Variants in CDC42SE2 observed in about 807,000 individuals in gnomAD.
CDC42SE2 encodes CDC42 small effector protein 2.
CDC42SE2 carries 3 observed loss-of-function variants against 11.5 expected under a neutral mutation model. The observed-to-expected ratio is 0.26, with a 90% CI of 0.12 to 0.67. CDC42SE2 has a LOEUF of 0.67. Among genes scored for constraint, CDC42SE2 ranks in the 30% least tolerant of loss-of-function variants. The pLI is 0.80. For synonymous variants in CDC42SE2, 33 were observed against 34.8 expected, an observed-to-expected ratio of 0.95 and a Z score of 0.18; for missense variants, 82 against 106.8, an observed-to-expected ratio of 0.77 and a Z score of 1.02.
At chr5:131,321,216 A>G (rs1758179998) in intron 2 of CDC42SE2, among the ~76,000 whole-genome samples, 1 of 152,224 alleles carries the variant, frequency 6.6e-6, no homozygotes, top group African/African-American at 2.4e-5. Flanking sequence ...AGTTCATCGT[A>G]TTCTCACTTG....
chr5:131,337,351 G>C (rs1453467372), intron 2 of CDC42SE2, among the ~76,000 whole-genome samples: 1 of 152,120 alleles, frequency 6.6e-6, no homozygotes. Flanking sequence ...AGGAGTACCC[G>C]GCCACATGAG....
rs1369976935 is a variant in CDC42SE2 at position 131,393,560 on chromosome 5, C to CTGT, written c.*2473_*2475dup. On this transcript the variant is annotated 3_prime_UTR_variant, in exon 5 of 5. Coordinates refer to ENST00000505065, the MANE Select transcript of CDC42SE2 (RefSeq NM_001375635.1). The stretch of plus-strand genomic sequence containing the variant: ...TTGCATTGTGGAATTTGCCTGAGTA[C>CTGT]TGTTGTCATTCTGCTCAGCCAGGCA... 20 of 152,362 alleles carry CTGT rather than the reference C, an allele frequency of 1.3e-4. No homozygotes were observed. Among genetic ancestry groups the CTGT allele is most frequent in the African/African-American group, 4.6e-4 (19 of 41,450 alleles). 9.4% of individuals were successfully genotyped at this position (152,362 alleles called of 1,614,324 possible).
intron 2 of CDC42SE2, among the ~76,000 whole-genome samples, chr5:131,329,478 C>T (rs1254396316): frequency 2.0e-5 from 3 of 151,968 alleles, no homozygotes; most frequent in Non-Finnish European, 2.9e-5. Flanking sequence ...TTCATTTGAT[C>T]CAAGAAAGAT....
At chr5:131,285,614 C>A (rs931075580) in intron 1 of CDC42SE2, among the ~76,000 whole-genome samples, 5 of 152,096 alleles carry the variant, frequency 3.3e-5, no homozygotes, top group African/African-American at 1.2e-4. Context: ...TTTCAGAGCT[C>A]CTTGCAAGAA....
chr5:131,346,469 T>C (rs1338753958), intron 2 of CDC42SE2, among the ~76,000 whole-genome samples: 1 of 152,202 alleles, frequency 6.6e-6, no homozygotes, highest in Non-Finnish European at 1.5e-5. Context: ...TAAATATATG[T>C]GCATCTAATA....
At chr5:131,296,191 G>T (rs1205515832) in intron 1 of CDC42SE2, among the ~76,000 whole-genome samples, 2 of 152,140 alleles carry the variant, frequency 1.3e-5, no homozygotes, top group African/African-American at 2.4e-5. Context: ...TGATGAGCTG[G>T]AGACCATGTA....
In CDC42SE2 at chr5:131,341,989, A is replaced by T. The variant is rs550495108; in HGVS notation, c.-285-17220A>T. Reference sequence around the variant, plus strand: ...TGGGCATCTTACTTACAATTATAAAAGTTAATACCACGCTGGGCACGGTGG... The same window carrying T: ...TGGGCATCTTACTTACAATTATAAATGTTAATACCACGCTGGGCACGGTGG... On this transcript the variant is annotated intron_variant, in intron 2 of 4. Coordinates refer to ENST00000505065, the MANE Select transcript of CDC42SE2 (RefSeq NM_001375635.1). Among the ~76,000 whole-genome samples, 28 of 152,262 alleles carry T rather than the reference A, an allele frequency of 1.8e-4. No homozygotes were observed. The South Asian group carries it at 5.6e-3, about 30-fold the overall frequency.
intron 2 of CDC42SE2, among the ~76,000 whole-genome samples, chr5:131,331,164 C>A (rs1410795748): frequency 6.6e-6 from 1 of 152,160 alleles, no homozygotes; most frequent in African/African-American, 2.4e-5. Flanking sequence ...TGTCACTTAT[C>A]TAATCAGTTG....
Position 131,248,144 on chromosome 5 carries a change from TA to T in CDC42SE2, n.107+2546del, listed in dbSNP as rs200748974. Among the ~76,000 whole-genome samples, 132 of 152,110 alleles carry T rather than the reference TA, an allele frequency of 8.7e-4. 1 individual carries two copies. Among genetic ancestry groups the T allele is most frequent in the African/African-American group, 3.0e-3 (126 of 41,482 alleles). On this transcript the variant is annotated intron_variant and non_coding_transcript_variant, in intron 1 of 3. Transcript: ENST00000502840. Reference sequence around the variant, plus strand: ...AAAGCATTCCTTTTTTTTATTTTTTTATTATTATTTTTTGAGATGGAGTCTC... The same window carrying T: ...AAAGCATTCCTTTTTTTTATTTTTTTTTATTATTTTTTGAGATGGAGTCTC...
At chr5:131,349,213 A>C (rs2149760945) in intron 2 of CDC42SE2, among the ~76,000 whole-genome samples, 1 of 152,242 alleles carries the variant, frequency 6.6e-6, no homozygotes, top group East Asian at 1.9e-4. Context: ...ATGAAGCTGG[A>C]AACCATCATT....
rs1157050390 is a variant in CDC42SE2 at position 131,384,544 on chromosome 5, A to T, written c.55-999A>T. ...AGCAGAGCCCCATAGTAGGACACTAACCCAACGTGGCCAGTGGTCTCTCCC... is the reference window on the plus strand; with the variant it reads ...AGCAGAGCCCCATAGTAGGACACTATCCCAACGTGGCCAGTGGTCTCTCCC... On this transcript the variant is annotated intron_variant, in intron 3 of 4. Transcript: ENST00000505065. Among the ~76,000 whole-genome samples, 11 of 152,250 alleles carry T rather than the reference A, an allele frequency of 7.2e-5. No individual in the cohort carries two copies. In the East Asian group the frequency reaches 1.9e-3, roughly 27 times the overall value.
chr5:131,351,609 TCAG>T (rs1409638191), intron 2 of CDC42SE2, among the ~76,000 whole-genome samples: 2 of 152,208 alleles, frequency 1.3e-5, no homozygotes, highest in Non-Finnish European at 2.9e-5. Flanking sequence ...AAGGATATCT[TCAG>T]CAAATGAGCT....
At chr5:131,321,590 A>T (rs958385782) in intron 2 of CDC42SE2, among the ~76,000 whole-genome samples, 1 of 152,198 alleles carries the variant, frequency 6.6e-6, no homozygotes, top group Admixed American at 6.5e-5. Flanking sequence ...TCAAAAAAGA[A>T]TATACATATA....
chr5:131,218,780 G>A, the CDC42SE2 span, among the ~76,000 whole-genome samples: 17 of 152,190 alleles, frequency 1.1e-4, no homozygotes, highest in East Asian at 1.3e-3. Context: ...GGGGACAGGA[G>A]GGGGATCCCC....
chr5:131,382,735 G>A (rs1750361155), intron 3 of CDC42SE2, among the ~76,000 whole-genome samples: 1 of 152,162 alleles, frequency 6.6e-6, no homozygotes, highest in South Asian at 2.1e-4. Flanking sequence ...GTGGAACTGT[G>A]ACAAGAACCT....
chr5:131,366,385 C>T lies in CDC42SE2; in HGVS notation c.54+6838C>T, dbSNP rs371997073. Among the ~76,000 whole-genome samples, 295 of 152,240 alleles carry T rather than the reference C, an allele frequency of 1.9e-3. 1 individual carries two copies. Among genetic ancestry groups the T allele is most frequent in the African/African-American group, 5.7e-3 (237 of 41,540 alleles). On this transcript the variant is annotated intron_variant, in intron 3 of 4. Transcript: ENST00000505065. ...TTGGTAAGCTAGTGTCCATAGCATT[C>T]GGCGTGAGTTCAAGATGGGGAAAAG...
At chr5:131,363,858 GTTAA>G (rs1327327787) in intron 3 of CDC42SE2, among the ~76,000 whole-genome samples, 1 of 151,602 alleles carries the variant, frequency 6.6e-6, no homozygotes, top group Non-Finnish European at 1.5e-5. Context: ...ACCACACCCG[GTTAA>G]TTTTTATATT....
upstream of CDC42SE2, among the ~76,000 whole-genome samples, chr5:131,243,767 C>G (rs1756558318): frequency 6.6e-6 from 1 of 152,150 alleles, no homozygotes; most frequent in Non-Finnish European, 1.5e-5. Flanking sequence ...TGTAAAGTAA[C>G]TTCTGATTTA....
chr5:131,257,949 G>A (rs562094407), intron 2 of CDC42SE2, among the ~76,000 whole-genome samples: 52 of 152,204 alleles, frequency 3.4e-4, no homozygotes, highest in South Asian at 1.2e-3. Flanking sequence ...TCGTTCTTCC[G>A]TGCTAAGGGG....
Sources: gnomAD v4.1 joint callset for allele counts (sites outside exome capture counted in the v4.1 genomes callset) on GRCh38, gnomAD v4.1.1 for gene constraint, MANE v1.5 for transcripts, NCBI Gene and HGNC (gene_info 2026-07-23, HGNC 2026-07-21) for gene names.